The following CA10 variants were observed in gnomAD, a reference collection of about 807,000 sequenced individuals.
CA10 encodes the protein carbonic anhydrase 10 (inactive).
A neutral mutation model predicts 44.2 loss-of-function variants in CA10; 14 were observed. The observed-to-expected ratio is 0.32, with a 90% confidence interval of 0.21 to 0.50. The LOEUF is 0.50. CA10 is among the 20% of genes least tolerant of loss of function. The pLI is 0.99. For missense variants in CA10, 350 were observed against 409.7 expected, an observed-to-expected ratio of 0.85 and a Z score of 1.26; for synonymous variants, 159 against 141.6, an observed-to-expected ratio of 1.12 and a Z score of -0.87.
chr17:52,153,237 G>A (rs972512956), intron 1 of CA10, among the ~76,000 whole-genome samples: 4 of 152,032 alleles, frequency 2.6e-5, no homozygotes, highest in African/African-American at 7.2e-5. Flanking sequence ...GTCAGTAACT[G>A]GGCTATATGA....
chr17:51,762,589 C>G (rs892482684), intron 3 of CA10: 1 of 152,106 alleles, frequency 6.6e-6, no homozygotes, highest in African/African-American at 2.4e-5. Flanking sequence ...CACAGAAGAT[C>G]GGTGACAGTA....
chr17:51,786,324 G>A (rs1334091449), intron 3 of CA10, among the ~76,000 whole-genome samples: 2 of 152,012 alleles, frequency 1.3e-5, no homozygotes, highest in Non-Finnish European at 2.9e-5. Flanking sequence ...GGCTGAGGCA[G>A]GCAGATCACT....
chr17:51,675,505 C>T lies in CA10; in HGVS notation c.466-21769G>A, dbSNP rs368636662. On this transcript the variant is annotated intron_variant, in intron 4 of 8. Transcript: ENST00000451037. The stretch of plus-strand genomic sequence containing the variant: ...CAGAGGTTGCAGTGAGCTGAGATTG[C>T]GCCACCGCACTCCAGCCTGGGTGAC... Among the ~76,000 whole-genome samples, 237 of 150,112 alleles carry T rather than the reference C, an allele frequency of 1.6e-3. 15 individuals are homozygous for T. The South Asian group carries it at 0.045, about 29-fold the overall frequency.
At position 52,157,840 on chromosome 17, in the gene CA10, G is replaced by T. The variant is rs1989842127; in HGVS notation, c.-54C>A. The T allele has an allele frequency of 1.4e-6, 2 of 1,429,840 alleles. No individual in the cohort carries two copies. The highest frequency in any genetic ancestry group is 1.4e-5 in the African/African-American group (1 of 71,268). 88.6% of individuals were successfully genotyped at this position (1,429,840 alleles called of 1,614,324 possible). A position where few individuals can be genotyped will look rare whatever the true frequency, so the allele number is the denominator to read the frequency against. ...TCGACGGGAAAACGGGGGGAAGGGG[G>T]GAGCCCGACACGGCACACACACATA... On this transcript the variant is annotated 5_prime_UTR_variant, in exon 1 of 9. Transcript: ENST00000451037.
chr17:51,795,438 C>T lies in CA10; in HGVS notation c.280-47620G>A, dbSNP rs191520894. On this transcript the variant is annotated intron_variant, in intron 3 of 8. Coordinates refer to ENST00000451037, the MANE Select transcript of CA10 (RefSeq NM_020178.5). ...CTTTTTAGCCAGAGAAAAGGAAACACATTTTTGGAAGGGCTTTTTAGCCAG... is the reference window on the plus strand; with the variant it reads ...CTTTTTAGCCAGAGAAAAGGAAACATATTTTTGGAAGGGCTTTTTAGCCAG... 5.3e-5 allele frequency among the ~76,000 whole-genome samples: 8 copies of T among 152,028 alleles called. No homozygotes were observed. In the East Asian group the frequency reaches 1.5e-3, roughly 29 times the overall value.
intron 4 of CA10, among the ~76,000 whole-genome samples, chr17:51,725,992 G>A (rs917488791): frequency 2.0e-5 from 3 of 152,204 alleles, no homozygotes; most frequent in African/African-American, 7.2e-5. Flanking sequence ...ACCTGTCGGG[G>A]AGTGAAAGTA....
chr17:51,904,641 T>C (rs909553836), intron 3 of CA10, among the ~76,000 whole-genome samples: 1 of 152,168 alleles, frequency 6.6e-6, no homozygotes, highest in Non-Finnish European at 1.5e-5. Flanking sequence ...AAATCTTATA[T>C]GCATAAGGAG....
intron 1 of CA10, among the ~76,000 whole-genome samples, chr17:52,074,990 C>A (rs1987780582): frequency 6.6e-6 from 1 of 152,100 alleles, no homozygotes; most frequent in Non-Finnish European, 1.5e-5. Context: ...TTTACATAGT[C>A]TCTAGAGTTG....
chr17:51,660,372 G>T (rs1162716370), intron 4 of CA10, among the ~76,000 whole-genome samples: 1 of 152,198 alleles, frequency 6.6e-6, no homozygotes, highest in Non-Finnish European at 1.5e-5. Flanking sequence ...TTGGCCTTTG[G>T]TGACCGGTAA....
intron 2 of CA10, among the ~76,000 whole-genome samples, chr17:51,984,160 T>C (rs1326834156): frequency 6.6e-6 from 1 of 151,702 alleles, no homozygotes; most frequent in East Asian, 1.9e-4. Flanking sequence ...TAATTCTCTA[T>C]ACAATCTCAC....
At chr17:51,670,837 C>G (rs756762) in intron 4 of CA10, among the ~76,000 whole-genome samples, 130,566 of 152,164 alleles carry the variant, frequency 0.86, 56,416 homozygotes, top group Non-Finnish European at 0.88. Flanking sequence ...GGAAACTGAG[C>G]CTTAGAGATG....
intron 2 of CA10, among the ~76,000 whole-genome samples, chr17:52,065,720 G>T (rs1407557185): frequency 1.3e-5 from 2 of 152,156 alleles, no homozygotes; most frequent in East Asian, 3.8e-4. Context: ...GGCCCCTGCT[G>T]CTCTCCAAGG....
intron 2 of CA10, among the ~76,000 whole-genome samples, chr17:51,988,980 T>C (rs892933193): frequency 3.3e-5 from 5 of 152,044 alleles, no homozygotes; most frequent in African/African-American, 1.2e-4. Flanking sequence ...TCAATTCATA[T>C]TTAAGTGCTT....
chr17:51,789,421 A>T (rs1906423941), intron 3 of CA10, among the ~76,000 whole-genome samples: 1 of 152,228 alleles, frequency 6.6e-6, no homozygotes, highest in Non-Finnish European at 1.5e-5. Flanking sequence ...CAGCTTATAG[A>T]TGAAAGCTTA....
At chr17:51,813,052 C>A (rs561055465) in intron 3 of CA10, among the ~76,000 whole-genome samples, 2 of 152,146 alleles carry the variant, frequency 1.3e-5, no homozygotes, top group East Asian at 3.9e-4. Flanking sequence ...TGGACTAAAT[C>A]GGATAATAGA....
intron 3 of CA10, among the ~76,000 whole-genome samples, chr17:51,803,013 ACT>A (rs1437105569): frequency 3.3e-5 from 5 of 152,004 alleles, no homozygotes; most frequent in African/African-American, 1.2e-4. Flanking sequence ...ATGACAAGAC[ACT>A]CTTCTGGCTA....
intron 2 of CA10, among the ~76,000 whole-genome samples, chr17:52,041,007 C>G (rs1207130271): frequency 2.0e-5 from 3 of 151,962 alleles, no homozygotes; most frequent in Non-Finnish European, 4.4e-5. Context: ...ATAATACACA[C>G]AACATCAGGT....
intron 2 of CA10, among the ~76,000 whole-genome samples, chr17:51,996,734 C>T (rs1222231417): frequency 6.6e-6 from 1 of 151,992 alleles, no homozygotes; most frequent in African/African-American, 2.4e-5. Flanking sequence ...AGAAATCATG[C>T]CCACTTGGCC....
intron 3 of CA10, among the ~76,000 whole-genome samples, chr17:51,922,219 A>G (rs1982261669): frequency 6.6e-6 from 1 of 152,344 alleles, no homozygotes; most frequent in East Asian, 1.9e-4. Flanking sequence ...ACTGAAGCTT[A>G]GAGAAGTTAA....
Sources: gnomAD v4.1 joint callset for allele counts (sites outside exome capture counted in the v4.1 genomes callset) on GRCh38, gnomAD v4.1.1 for gene constraint, MANE v1.5 for transcripts, NCBI Gene and HGNC (gene_info 2026-07-23, HGNC 2026-07-21) for gene names.